Variants in NECTIN1 observed in about 807,000 individuals in gnomAD.
NECTIN1 encodes nectin-1.
In NECTIN1, 23 loss-of-function variants were observed where a neutral mutation model predicts 48.0. The ratio of observed to expected loss-of-function variants is 0.48; its 90% CI spans 0.34 to 0.68. The LOEUF (loss-of-function observed/expected upper bound fraction) is 0.68, where lower values mean the gene tolerates loss of function less well. NECTIN1 is among the 30% of genes least tolerant of loss of function. The pLI, the probability that NECTIN1 is intolerant of heterozygous loss-of-function variation, is 0.01. For missense variants in NECTIN1, 591 were observed against 709.9 expected, an observed-to-expected ratio of 0.83 and a Z score of 1.90; for synonymous variants, 270 against 288.9, an observed-to-expected ratio of 0.93 and a Z score of 0.66.
intron 1 of NECTIN1, among the ~76,000 whole-genome samples, chr11:119,717,332 G>A (rs1012024199): frequency 3.3e-5 from 5 of 152,238 alleles, no homozygotes; most frequent in Non-Finnish European, 7.3e-5. Context: ...GAGACCATCA[G>A]AGTGCTCTGC....
At chr11:119,674,280 G>A (rs1725979107) in intron 5 of NECTIN1, 1 of 1,205,408 alleles carries the variant, frequency 8.3e-7, no homozygotes, top group African/African-American at 1.5e-5. Flanking sequence ...AGATAGCTCA[G>A]GTCCACTGTA....
intron 1 of NECTIN1, among the ~76,000 whole-genome samples, chr11:119,695,326 C>A (rs1476370791): frequency 7.1e-6 from 1 of 140,652 alleles, no homozygotes; most frequent in Admixed American, 7.1e-5. Flanking sequence ...CCCCACCAGT[C>A]CCCGCTGCCA....
chr11:119,664,999 G>A lies in NECTIN1; in HGVS notation c.1302C>T (p.Ser434=). The change falls in exon 6 of 6, where the codon AGC becomes AGT. Residue 434 remains serine (S), a synonymous_variant. Coordinates refer to ENST00000264025, the MANE Select transcript of NECTIN1 (RefSeq NM_002855.5). The part of the protein sequence containing the change: ...DEKKAGPLGG[S]SYEEEEEEEE... Reference sequence around the variant, plus strand: ...CCTCCTCCTCCTCCTCCTCATAGCTGCTTCCACCCAGTGGGCCGGCCTTCT... The same window carrying A: ...CCTCCTCCTCCTCCTCCTCATAGCTACTTCCACCCAGTGGGCCGGCCTTCT... 1.2e-6 allele frequency: 2 copies of A among 1,613,696 alleles called. No homozygotes were observed. The highest frequency in any genetic ancestry group is 2.7e-5 in the African/African-American group (2 of 75,026).
At chr11:119,702,248 C>G (rs919955623) in intron 1 of NECTIN1, among the ~76,000 whole-genome samples, 1 of 152,222 alleles carries the variant, frequency 6.6e-6, no homozygotes, top group Non-Finnish European at 1.5e-5. Context: ...AGGCATTAAC[C>G]TTTCCCACCA....
Position 119,661,294 on chromosome 11 carries a change from A to T in NECTIN1, c.*3453T>A, listed in dbSNP as rs1864658802. Reference sequence around the variant, plus strand: ...CCCATTCCTCACAGCAGGGGTCAGAAGAGCAGCAGCACCGAGTGGGACAGG... The same window carrying T: ...CCCATTCCTCACAGCAGGGGTCAGATGAGCAGCAGCACCGAGTGGGACAGG... On this transcript the variant is annotated 3_prime_UTR_variant, in exon 6 of 6. Coordinates refer to ENST00000264025, the MANE Select transcript of NECTIN1 (RefSeq NM_002855.5). 1 of 985,948 alleles carries T rather than the reference A, an allele frequency of 1.0e-6. No individual in the cohort carries two copies. The highest frequency in any genetic ancestry group is 1.1e-4 in the East Asian group (1 of 8,822). 61.1% of individuals were successfully genotyped at this position (985,948 alleles called of 1,614,324 possible).
rs2134353121 is a variant in NECTIN1 at position 119,728,504 on chromosome 11, G to A, written c.50C>T (p.Ala17Val). 2 of 1,600,960 alleles carry A rather than the reference G, an allele frequency of 1.2e-6. No homozygotes were observed. The highest frequency in any genetic ancestry group is 1.7e-6 in the Non-Finnish European group (2 of 1,174,482). Residue 17 changes from alanine to valine, a missense_variant, in exon 1 of 6, where the codon GCT becomes GTT. Physicochemically the swap from Ala to Val is moderately conservative, Grantham distance 64 (BLOSUM62 0). Transcript: ENST00000264025. ...GAGGAAGAATGCGGTCAAGCCGAGA[G>A]CGAGTCCCCACCAGCGTCCAGCGGC... ...AGAAGRWWGL[A>V]LGLTAFFLPG...
At position 119,663,129 on chromosome 11, in the gene NECTIN1, T is replaced by G; in HGVS notation, c.*1618A>C. On this transcript the variant is annotated 3_prime_UTR_variant, in exon 6 of 6. Transcript: ENST00000264025. ...CCCTCCTCCCCAACACTTGCCATCCTGCAGAGCCCCTGACACCCTGGGGTG... is the reference window on the plus strand; with the variant it reads ...CCCTCCTCCCCAACACTTGCCATCCGGCAGAGCCCCTGACACCCTGGGGTG... 3 of 985,522 alleles carry G rather than the reference T, an allele frequency of 3.0e-6. No individual in the cohort carries two copies. Among genetic ancestry groups the G allele is most frequent in the Middle Eastern group, 5.2e-4 (1 of 1,914 alleles). 61.0% of individuals were successfully genotyped at this position (985,522 alleles called of 1,614,324 possible).
chr11:119,708,516 A>C (rs1434812932), intron 1 of NECTIN1, among the ~76,000 whole-genome samples: 1 of 152,044 alleles, frequency 6.6e-6, no homozygotes, highest in Non-Finnish European at 1.5e-5. Flanking sequence ...GATGTCAGTC[A>C]CAAAAGGCCA....
At chr11:119,653,915 AG>A (rs574272376) in intron 5 of NECTIN1, 1 of 152,240 alleles carries the variant, frequency 6.6e-6, no homozygotes, top group Non-Finnish European at 1.5e-5. Flanking sequence ...AATAAAATTC[AG>A]GGAAGGCAGG....
At position 119,664,921 on chromosome 11, in the gene NECTIN1, A is replaced by G. The variant is rs1864734746; in HGVS notation, c.1380T>C (p.Tyr460=). The change falls in exon 6 of 6, where the codon TAT becomes TAC. Residue 460 remains tyrosine, a synonymous_variant. Transcript: ENST00000264025. ...ERKVGGPHPK[Y]DEDAKRPYFT... ...AGTAGGGCCGCTTGGCGTCCTCGTC[A>G]TATTTGGGGTGGGGGCCGCCCACCT... is the stretch of plus-strand genomic sequence containing the variant. 9 of 1,613,562 alleles carry G rather than the reference A, an allele frequency of 5.6e-6. No homozygotes were observed. Among genetic ancestry groups the G allele is most frequent in the Non-Finnish European group, 7.6e-6 (9 of 1,179,796 alleles).
chr11:119,696,987 C>T (rs570494646), intron 1 of NECTIN1, among the ~76,000 whole-genome samples: 20 of 152,154 alleles, frequency 1.3e-4, no homozygotes, highest in Non-Finnish European at 2.5e-4. Context: ...GTCTCTCCAG[C>T]CCCCTCCCCG....
chr11:119,681,209 C>T (rs1865055922), intron 1 of NECTIN1, among the ~76,000 whole-genome samples: 3 of 152,256 alleles, frequency 2.0e-5, no homozygotes, highest in South Asian at 4.1e-4. Flanking sequence ...CCACCCCTCC[C>T]CCAGGCTGCT....
rs1864988972 is a variant in NECTIN1 at position 119,677,944 on chromosome 11, C to T, written c.431-87G>A. 1.0e-5 allele frequency: 14 copies of T among 1,394,326 alleles called. No individual in the cohort carries two copies. Among genetic ancestry groups the T allele is most frequent in the African/African-American group, 1.4e-5 (1 of 70,358 alleles). 86.4% of individuals were successfully genotyped at this position (1,394,326 alleles called of 1,614,324 possible). A position where few individuals can be genotyped will look rare whatever the true frequency, so the allele number is the denominator to read the frequency against. On this transcript the variant is annotated intron_variant, in intron 2 of 5. Coordinates refer to ENST00000264025, the MANE Select transcript of NECTIN1 (RefSeq NM_002855.5). This position sits in a 1 kb window ranked among gnomAD's most constrained non-coding sequence, Gnocchi z 5.4. Reference sequence around the variant, plus strand: ...CAAAAGGGCGTGGCATCCGTCAGGCCTTGTCTTCAGGTCCCCTTGGCCATC... The same window carrying T: ...CAAAAGGGCGTGGCATCCGTCAGGCTTTGTCTTCAGGTCCCCTTGGCCATC...
At chr11:119,687,712 T>G (rs1006460892) in intron 1 of NECTIN1, among the ~76,000 whole-genome samples, 1 of 152,160 alleles carries the variant, frequency 6.6e-6, no homozygotes, top group Admixed American at 6.5e-5. Context: ...TTTTAAAAGC[T>G]CAGTATTGAC....
At chr11:119,713,221 G>A (rs1207966599) in intron 1 of NECTIN1, among the ~76,000 whole-genome samples, 2 of 152,112 alleles carry the variant, frequency 1.3e-5, no homozygotes, top group Non-Finnish European at 2.9e-5. Flanking sequence ...TGGGGGAGGG[G>A]GCAGAGGCCT....
Position 119,639,877 on chromosome 11 carries a change from G to A in NECTIN1, c.1139C>T (p.Thr380Met), listed in dbSNP as rs545782858. The change falls in exon 6 of 8, where the codon ACG (threonine) becomes ATG (methionine). Residue 380 changes from threonine to methionine, a missense_variant. Coordinates refer to the NECTIN1 transcript ENST00000341398. ...CTGCCTGGCTCACCCGGCCCCATCCGTCTCCGGTGGGCTCTTCTGCTGCCG... is the reference window on the plus strand; with the variant it reads ...CTGCCTGGCTCACCCGGCCCCATCCATCTCCGGTGGGCTCTTCTGCTGCCG... The A allele has an allele frequency of 2.2e-5, 35 of 1,614,140 alleles. No individual in the cohort carries two copies. In the South Asian group the frequency reaches 2.6e-4, roughly 12 times the overall value.
rs1018316647 is a variant in NECTIN1, at chr11:119,661,157, G to A, written c.*3590C>T. On this transcript the variant is annotated 3_prime_UTR_variant, in exon 6 of 6. Transcript: ENST00000264025. ...TCCCTGGACCAAAGGCGGAAAGGGC[G>A]ACAAGACGCCGAAGCAAGGTAGCGC... The A allele has an allele frequency of 4.1e-6, 4 of 985,730 alleles. No homozygotes were observed. The highest frequency in any genetic ancestry group is 4.8e-6 in the Non-Finnish European group (4 of 829,958). 61.1% of individuals were successfully genotyped at this position (985,730 alleles called of 1,614,324 possible). A position where few individuals can be genotyped will look rare whatever the true frequency, so the allele number is the denominator to read the frequency against.
At chr11:119,689,218 C>A (rs1400596578) in intron 1 of NECTIN1, among the ~76,000 whole-genome samples, 1 of 152,288 alleles carries the variant, frequency 6.6e-6, no homozygotes, top group South Asian at 2.1e-4. Flanking sequence ...TAAGTTTTGC[C>A]GTTTGCGCTC....
chr11:119,667,042 A>G (rs1357257697), intron 5 of NECTIN1, among the ~76,000 whole-genome samples: 2 of 152,172 alleles, frequency 1.3e-5, no homozygotes, highest in East Asian at 3.9e-4. Context: ...TGCCACCACC[A>G]TCCTCGGTGC....
Sources: allele counts gnomAD v4.1 joint callset (sites outside exome capture counted in the v4.1 genomes callset), GRCh38; gene constraint gnomAD v4.1.1; non-coding constraint Gnocchi (gnomAD v3.1); transcripts MANE v1.5; gene names NCBI Gene and HGNC (gene_info 2026-07-23, HGNC 2026-07-21).